Variants in FAH observed in about 807,000 individuals in gnomAD.
FAH encodes the protein fumarylacetoacetate hydrolase, also known as fumarylacetoacetase.
A neutral mutation model predicts 55.8 loss-of-function variants in FAH; 47 were observed. That is an observed-to-expected ratio of 0.84 (90% CI 0.67 to 1.07). The LOEUF is 1.07. FAH is among the 50% of genes least tolerant of loss of function. The pLI is 0.00. For missense variants in FAH, 495 were observed against 545.9 expected, an observed-to-expected ratio of 0.91 and a Z score of 0.93; for synonymous variants, 199 against 207.7, an observed-to-expected ratio of 0.96 and a Z score of 0.36.
At chr15:80,167,906 C>T (rs2041207187) in intron 5 of FAH, 146 bp from the exon 6 acceptor site, 1 of 693,784 alleles carries the variant, frequency 1.4e-6, no homozygotes, top group Non-Finnish European at 2.6e-6. Context: ...ATCCATTCAT[C>T]TGTGGATGGA....
chr15:80,175,688 TAA>T (rs1203395174), intron 10 of FAH, among the ~76,000 whole-genome samples: 1 of 152,230 alleles, frequency 6.6e-6, no homozygotes, highest in African/African-American at 2.4e-5. Flanking sequence ...GCGTTGGTAA[TAA>T]AGAGACTGGC....
At chr15:80,152,861 C>T (rs2142086596), upstream of FAH, 1 of 538,234 alleles carries the variant, frequency 1.9e-6, no homozygotes, top group South Asian at 2.0e-5. Flanking sequence ...AGGGGCAGGG[C>T]TCGGGGTTCG....
At chr15:80,163,331 C>T (rs184590200) in intron 5 of FAH, 1 of 152,444 alleles carries the variant, frequency 6.6e-6, no homozygotes, top group East Asian at 1.9e-4. Flanking sequence ...CCCCAGCCAG[C>T]TTCAACTTGT....
rs1459879036 is a variant in FAH at position 80,158,042 on chromosome 15, G to T, written c.82-18G>T. 2 of 1,591,648 alleles carry T rather than the reference G, an allele frequency of 1.3e-6. No individual in the cohort carries two copies. The highest frequency in any genetic ancestry group is 1.3e-5 in the African/African-American group (1 of 74,476). ...CCAGGGGCTTTTTCTGGTGCTGACG[G>T]TGTCGTCTTCCTCCTAGCCAAGACC... On this transcript the variant is annotated intron_variant, in intron 1 of 13. Transcript: ENST00000561421.
At chr15:80,177,659 G>A (rs1231944366) in intron 11 of FAH, 76 bp downstream of exon 11, 3 of 1,342,646 alleles carry the variant, frequency 2.2e-6, no homozygotes, top group Admixed American at 3.4e-5. Flanking sequence ...AGGAACAGGA[G>A]GAGAGCATTC....
At chr15:80,185,996 A>T in intron 13 of FAH, 134 bp from the exon 14 acceptor site, 1 of 761,430 alleles carries the variant, frequency 1.3e-6, no homozygotes, top group South Asian at 1.4e-5. Flanking sequence ...TGTGTTTAAG[A>T]TATGTGTGTG....
chr15:80,161,458 A>T (rs1371054655), intron 4 of FAH, among the ~76,000 whole-genome samples: 3 of 146,170 alleles, frequency 2.1e-5, no homozygotes, highest in African/African-American at 5.0e-5. Flanking sequence ...AATATCCAGC[A>T]TTTTTTTTTT....
At chr15:80,180,640 G>A (rs1286697886) in intron 12 of FAH, among the ~76,000 whole-genome samples, 1 of 152,164 alleles carries the variant, frequency 6.6e-6, no homozygotes, top group African/African-American at 2.4e-5. Context: ...CCTTGGGGTG[G>A]TGCATGTGTC....
chr15:80,175,418 C>T (rs781762531), intron 10 of FAH, among the ~76,000 whole-genome samples: 2 of 152,180 alleles, frequency 1.3e-5, no homozygotes. Flanking sequence ...CACATATCGC[C>T]ACTGACCCTC....
At chr15:80,174,882 G>A in intron 9 of FAH, 134 bp from the exon 10 acceptor site, 1 of 748,552 alleles carries the variant, frequency 1.3e-6, no homozygotes, top group Non-Finnish European at 2.4e-6. Context: ...TCCCTGGAGA[G>A]GGAATGCTCC....
upstream of FAH, chr15:80,152,867 G>A (rs1293784970): frequency 5.2e-6 from 3 of 577,602 alleles, no homozygotes; most frequent in Non-Finnish European, 9.3e-6. Flanking sequence ...AGGGCTCGGG[G>A]TTCGGGGGCG....
At chr15:80,172,975 T>A (rs777880578) in intron 8 of FAH, 39 bp from the exon 9 acceptor site, 7 of 1,614,156 alleles carry the variant, frequency 4.3e-6, no homozygotes, top group Non-Finnish European at 5.1e-6. Context: ...GATGCCCTGA[T>A]CAGCCTTTGT....
At chr15:80,173,527 G>T (rs991079337) in intron 9 of FAH, 2 of 364,964 alleles carry the variant, frequency 5.5e-6, no homozygotes, top group Non-Finnish European at 5.3e-6. Flanking sequence ...CCAACTCATA[G>T]AATGCAGCTT....
chr15:80,176,510 C>T (rs1047524353), intron 10 of FAH, among the ~76,000 whole-genome samples: 1 of 152,190 alleles, frequency 6.6e-6, no homozygotes, highest in Non-Finnish European at 1.5e-5. Flanking sequence ...TCCTGGCTGC[C>T]CAGGGCCCTC....
intron 3 of FAH, 60 bp from the exon 4 acceptor site, chr15:80,160,349 CG>C (rs2041137702): frequency 7.8e-6 from 12 of 1,541,636 alleles, no homozygotes; most frequent in Middle Eastern, 1.7e-4. Context: ...GGGCTGAGCC[CG>C]TGGGTGGGAC....
At chr15:80,155,626 G>C (rs1358985378) in intron 1 of FAH, among the ~76,000 whole-genome samples, 2 of 152,164 alleles carry the variant, frequency 1.3e-5, no homozygotes, top group African/African-American at 4.8e-5. Context: ...AGAGAGAACA[G>C]CTGGGCCCGG....
rs929155893 is a variant in FAH, at chr15:80,159,895, A to T, written c.314+18A>T. Reference sequence around the variant, plus strand: ...CGGAAGTGGTGAGAAGCACGTGGTCATAGGGGGGATGAGGGGATGCAGCAG... The same window carrying T: ...CGGAAGTGGTGAGAAGCACGTGGTCTTAGGGGGGATGAGGGGATGCAGCAG... On this transcript the variant is annotated intron_variant, in intron 3 of 13. Transcript: ENST00000561421. The T allele has an allele frequency of 2.5e-6, 4 of 1,613,700 alleles. No homozygotes were observed. Among genetic ancestry groups the T allele is most frequent in the Middle Eastern group, 1.7e-4 (1 of 6,042 alleles).
At chr15:80,165,184 A>G (rs2041180900) in intron 5 of FAH, among the ~76,000 whole-genome samples, 1 of 152,092 alleles carries the variant, frequency 6.6e-6, no homozygotes, top group South Asian at 2.1e-4. Context: ...CAAGGTCAGG[A>G]GTTTGAGACC....
chr15:80,175,899 A>G (rs187524165), intron 10 of FAH, among the ~76,000 whole-genome samples: 44 of 152,234 alleles, frequency 2.9e-4, no homozygotes, highest in African/African-American at 1.0e-3. Context: ...TCATTTTCCA[A>G]TCCCAACGGG....
Sources: allele counts gnomAD v4.1 joint callset (sites outside exome capture counted in the v4.1 genomes callset), GRCh38; gene constraint gnomAD v4.1.1; transcripts MANE v1.5; gene names NCBI Gene and HGNC (gene_info 2026-07-23, HGNC 2026-07-21).